Variants in CFAP61 observed in about 807,000 individuals in gnomAD.
CFAP61 encodes the protein cilia- and flagella-associated protein 61.
CFAP61 carries 107 observed loss-of-function variants against 135.6 expected under a neutral mutation model. That is an observed-to-expected ratio of 0.79 (90% confidence interval 0.67 to 0.93). The LOEUF is 0.93. CFAP61 is among the 40% of genes least tolerant of loss of function. CFAP61 has a pLI of 0.00. For synonymous variants in CFAP61, 575 were observed against 578.5 expected (o/e 0.99, Z 0.09); for missense variants, 1,507 against 1,556.2 (o/e 0.97, Z 0.53).
chr20:20,316,968 C>T (rs2057173959), intron 25 of CFAP61: 1 of 148,684 alleles, frequency 6.7e-6, no homozygotes, highest in African/African-American at 2.5e-5. Context: ...CCTCTGCCTC[C>T]TGGGTTCAAG....
intron 8 of CFAP61, 148 bp downstream of exon 8, chr20:20,098,962 T>C (rs955749094): frequency 2.8e-6 from 2 of 711,276 alleles, no homozygotes; most frequent in Non-Finnish European, 4.5e-6. Flanking sequence ...GTTGGTCACA[T>C]CCTTGTGAAA....
intron 9 of CFAP61, among the ~76,000 whole-genome samples, chr20:20,149,231 A>G (rs914250312): frequency 2.0e-5 from 3 of 152,238 alleles, no homozygotes; most frequent in African/African-American, 4.8e-5. Flanking sequence ...CATCTGAGAT[A>G]TGGTCTCTCA....
At chr20:20,168,177 T>A (rs2053968835) in intron 12 of CFAP61, among the ~76,000 whole-genome samples, 1 of 152,076 alleles carries the variant, frequency 6.6e-6, no homozygotes, top group Admixed American at 6.6e-5. Context: ...GCCCAAGGGA[T>A]CTTCCTGCCT....
chr20:20,221,768 A>C (rs1417964350), intron 17 of CFAP61: 1 of 152,214 alleles, frequency 6.6e-6, no homozygotes, highest in Non-Finnish European at 1.5e-5. Context: ...ACATGGAATT[A>C]CATCCATTCC....
intron 21 of CFAP61, among the ~76,000 whole-genome samples, chr20:20,269,164 C>CACACATATGTATATATACACATAT (rs372986717): frequency 8.9e-6 from 1 of 112,548 alleles, no homozygotes; most frequent in African/African-American, 3.2e-5. Context: ...CACACACACA[C>CACACATATGTATATATACACATAT]ATACATATAT....
chr20:20,170,722 A>T (rs1303675445), intron 13 of CFAP61, among the ~76,000 whole-genome samples: 1 of 152,240 alleles, frequency 6.6e-6, no homozygotes, highest in African/African-American at 2.4e-5. Context: ...TGTTCACTTC[A>T]TAATTAGGGA....
chr20:20,355,249 T>G (rs1189912852), intron 26 of CFAP61, among the ~76,000 whole-genome samples: 1 of 122,460 alleles, frequency 8.2e-6, no homozygotes, highest in Non-Finnish European at 1.7e-5. Flanking sequence ...GGTCACACTG[T>G]GAGAGGAGGT....
chr20:20,106,042 A>G (rs1354818183), intron 8 of CFAP61, among the ~76,000 whole-genome samples: 1 of 86,268 alleles, frequency 1.2e-5, no homozygotes, highest in African/African-American at 6.0e-5. Context: ...ATATATATAT[A>G]TATATATAAA....
intron 17 of CFAP61, among the ~76,000 whole-genome samples, chr20:20,224,757 A>G (rs568536602): frequency 1.4e-4 from 21 of 152,316 alleles, no homozygotes; most frequent in Non-Finnish European, 1.5e-5. Context: ...AAAAATAGAA[A>G]TGTCTTGAAA....
At chr20:20,342,111 T>C (rs546748283) in intron 26 of CFAP61, among the ~76,000 whole-genome samples, 190 bp downstream of exon 26, 75 of 152,380 alleles carry the variant, frequency 4.9e-4, no homozygotes, top group Non-Finnish European at 9.7e-4. Flanking sequence ...TGATTTTATT[T>C]AAATCTTTTT....
intron 8 of CFAP61, among the ~76,000 whole-genome samples, chr20:20,129,249 G>T (rs2050317066): frequency 6.6e-6 from 1 of 151,676 alleles, no homozygotes; most frequent in African/African-American, 2.4e-5. Flanking sequence ...TTGTAAGATG[G>T]GTCTGTTTGT....
Position 20,090,949 on chromosome 20 carries a change from T to G in CFAP61, c.672T>G (p.Asp224Glu). The G allele has an allele frequency of 1.2e-6, 2 of 1,614,122 alleles. No individual in the cohort carries two copies. The highest frequency in any genetic ancestry group is 2.2e-5 in the East Asian group (1 of 44,864). Reference sequence around the variant, plus strand: ...TGGCCGAACTAATAGAGGCCCAAGATGAAGAGAATCATGCTGTTGTGTGTG... The same window carrying G: ...TGGCCGAACTAATAGAGGCCCAAGAGGAAGAGAATCATGCTGTTGTGTGTG... ...YFLAELIEAQ[D>E]EENHAVVCEV... The change falls in exon 7 of 27, where the codon GAT becomes GAG. Residue 224 changes from aspartate (D) to glutamate (E), a missense_variant. Physicochemically the swap from Asp to Glu is conservative, Grantham distance 45. Transcript: ENST00000245957.
intron 25 of CFAP61, among the ~76,000 whole-genome samples, chr20:20,303,962 T>C (rs1025364120): frequency 2.0e-5 from 3 of 152,166 alleles, no homozygotes; most frequent in African/African-American, 7.2e-5. Flanking sequence ...GCGCAGGCAC[T>C]AGCTGTGCCA....
intron 18 of CFAP61, among the ~76,000 whole-genome samples, chr20:20,244,560 T>C (rs1197248243): frequency 6.6e-6 from 1 of 152,206 alleles, no homozygotes; most frequent in Non-Finnish European, 1.5e-5. Flanking sequence ...GCACCCAGCA[T>C]GGGGACCCTG....
intron 25 of CFAP61, among the ~76,000 whole-genome samples, chr20:20,325,265 G>A (rs947014097): frequency 5.9e-5 from 9 of 152,150 alleles, no homozygotes; most frequent in Admixed American, 5.9e-4. Context: ...TTACATTAGG[G>A]TTCATTCTTG....
intron 22 of CFAP61, among the ~76,000 whole-genome samples, chr20:20,287,509 T>C (rs1442117162): frequency 6.6e-6 from 1 of 152,228 alleles, no homozygotes; most frequent in Non-Finnish European, 1.5e-5. Flanking sequence ...TTTATAGCCT[T>C]GTATGACTAG....
chr20:20,176,728 G>A (rs114923515), intron 13 of CFAP61, among the ~76,000 whole-genome samples: 79 of 152,244 alleles, frequency 5.2e-4, no homozygotes, highest in African/African-American at 1.8e-3. Flanking sequence ...GTGGGGGTCC[G>A]AGGGGAGAGA....
At chr20:20,149,144 A>C (rs1384775003) in intron 9 of CFAP61, among the ~76,000 whole-genome samples, 1 of 152,244 alleles carries the variant, frequency 6.6e-6, no homozygotes, top group African/African-American at 2.4e-5. Context: ...TCAAGTATAC[A>C]TAGAACATGG....
chr20:20,306,368 A>C (rs1012198179), intron 25 of CFAP61, among the ~76,000 whole-genome samples: 3 of 152,220 alleles, frequency 2.0e-5, no homozygotes, highest in South Asian at 2.1e-4. Context: ...CATGTTAGTT[A>C]GGACTTACTA....
Sources: gnomAD v4.1 joint callset for allele counts (sites outside exome capture counted in the v4.1 genomes callset) on GRCh38, gnomAD v4.1.1 for gene constraint, MANE v1.5 for transcripts, NCBI Gene and HGNC (gene_info 2026-07-23, HGNC 2026-07-21) for gene names.